IMMP2L: variants seen among roughly 807,000 people sequenced by gnomAD.
The protein encoded by IMMP2L is mitochondrial inner membrane protease subunit 2.
Under a neutral mutation model 19.3 loss-of-function variants are expected in IMMP2L, and 18 were observed. The ratio of observed to expected loss-of-function variants is 0.93; its 90% CI spans 0.64 to 1.38. The LOEUF (loss-of-function observed/expected upper bound fraction) is 1.38. IMMP2L is among the 40% of genes most tolerant of loss of function. The probability of loss-of-function intolerance (pLI) is 0.00; values close to 1 mark genes in which losing one functional copy is unlikely to be tolerated. For missense variants in IMMP2L, 233 were observed against 218.2 expected (o/e 1.07, Z -0.43); for synonymous variants, 76 against 73.0 (o/e 1.04, Z -0.21).
chr7:111,163,415 T>G (rs1417476685), intron 3 of IMMP2L, among the ~76,000 whole-genome samples: 1 of 152,108 alleles, frequency 6.6e-6, no homozygotes, highest in African/African-American at 2.4e-5. Context: ...CTGCAACTAT[T>G]TATTACCGAA....
At chr7:110,772,450 C>T (rs1340652597) in intron 5 of IMMP2L, among the ~76,000 whole-genome samples, 1 of 152,132 alleles carries the variant, frequency 6.6e-6, no homozygotes. Flanking sequence ...AAGAACAGCA[C>T]TATCCTGCCC....
intron 5 of IMMP2L, among the ~76,000 whole-genome samples, chr7:110,756,795 A>T (rs754138219): frequency 3.2e-4 from 49 of 152,208 alleles, no homozygotes; most frequent in Non-Finnish European, 5.3e-4. Context: ...TTTAAAAATT[A>T]TCCTTTCCAA....
chr7:111,435,245 TGCACTAGTCACAATA>T (rs1837038472), intron 3 of IMMP2L, among the ~76,000 whole-genome samples: 1 of 151,852 alleles, frequency 6.6e-6, no homozygotes, highest in South Asian at 2.1e-4. Context: ...TCTTTATCAC[TGCACTAGTCACAATA>T]GCAAAGGTAT....
intron 4 of IMMP2L, among the ~76,000 whole-genome samples, chr7:110,923,187 A>T (rs1814490168): frequency 1.3e-5 from 2 of 152,206 alleles, no homozygotes; most frequent in African/African-American, 2.4e-5. Flanking sequence ...ATCAGCTTTC[A>T]GTGATGAAGA....
intron 2 of IMMP2L, among the ~76,000 whole-genome samples, chr7:111,512,105 G>A (rs1181193545): frequency 1.3e-5 from 2 of 152,150 alleles, no homozygotes; most frequent in Admixed American, 1.3e-4. Context: ...CATTACTCAC[G>A]ATAATGAAAA....
intron 3 of IMMP2L, among the ~76,000 whole-genome samples, chr7:111,319,042 C>T (rs1438941785): frequency 1.3e-5 from 2 of 152,126 alleles, no homozygotes; most frequent in African/African-American, 2.4e-5. Context: ...GTCCTACCAT[C>T]CTGGTAATCA....
At chr7:111,300,445 A>G (rs1479980259) in intron 3 of IMMP2L, among the ~76,000 whole-genome samples, 2 of 152,136 alleles carry the variant, frequency 1.3e-5, no homozygotes, top group Non-Finnish European at 2.9e-5. Flanking sequence ...GAAATAATAC[A>G]TAGAGATCCC....
chr7:111,332,143 G>T (rs1244642173), intron 3 of IMMP2L, among the ~76,000 whole-genome samples: 1 of 151,554 alleles, frequency 6.6e-6, no homozygotes, highest in Admixed American at 6.6e-5. Flanking sequence ...GATGTTAAAA[G>T]GTCATAATGT....
rs531733674 is a variant in IMMP2L, at chr7:110,785,602, T to C, written c.408+100991A>G. ...CATCTAGGAAGAGGTGAAGCAAAGA[T>C]AGAATCAGTCTTTCCATCCTCTACT... On this transcript the variant is annotated intron_variant, in intron 5 of 5. Transcript: ENST00000405709. Among the ~76,000 whole-genome samples the C allele has an allele frequency of 5.9e-5, 9 of 152,062 alleles. No individual in the cohort carries two copies. The South Asian group carries it at 6.2e-4, about 11-fold the overall frequency.
At chr7:110,961,849 T>C (rs1467973821) in intron 4 of IMMP2L, among the ~76,000 whole-genome samples, 1 of 151,804 alleles carries the variant, frequency 6.6e-6, no homozygotes, top group East Asian at 1.9e-4. Context: ...TAAATAAAAT[T>C]TCTGGAGAAG....
chr7:111,376,085 A>G (rs1830656117), intron 3 of IMMP2L, among the ~76,000 whole-genome samples: 1 of 152,110 alleles, frequency 6.6e-6, no homozygotes, highest in Non-Finnish European at 1.5e-5. Context: ...ACCTTCTCTC[A>G]GTCCCAATTT....
At chr7:110,904,491 A>G (rs1248938028) in intron 4 of IMMP2L, among the ~76,000 whole-genome samples, 1 of 152,172 alleles carries the variant, frequency 6.6e-6, no homozygotes, top group East Asian at 1.9e-4. Flanking sequence ...TCCCAACACC[A>G]TTTGTTGAAG....
At chr7:111,305,620 A>C (rs1822784035) in intron 3 of IMMP2L, among the ~76,000 whole-genome samples, 1 of 152,162 alleles carries the variant, frequency 6.6e-6, no homozygotes, top group Admixed American at 6.6e-5. Flanking sequence ...GACTAATGGC[A>C]AATTAATAAA....
intron 1 of IMMP2L, among the ~76,000 whole-genome samples, chr7:111,549,465 T>G (rs1003775685): frequency 6.6e-6 from 1 of 152,212 alleles, no homozygotes; most frequent in Non-Finnish European, 1.5e-5. Flanking sequence ...TATCACCACT[T>G]TAACATCTGG....
At chr7:111,090,096 C>A (rs1414546796) in intron 3 of IMMP2L, among the ~76,000 whole-genome samples, 1 of 152,048 alleles carries the variant, frequency 6.6e-6, no homozygotes, top group African/African-American at 2.4e-5. Flanking sequence ...CCATTCTCCT[C>A]AACAAGATGT....
intron 3 of IMMP2L, among the ~76,000 whole-genome samples, chr7:111,016,892 ATATATATTATATATAAT>A (rs1453572960): frequency 1.1e-5 from 1 of 89,246 alleles, no homozygotes; most frequent in Non-Finnish European, 2.0e-5. Context: ...ATTATATATA[ATATATATTATATATAAT>A]TATATATATA....
intron 3 of IMMP2L, among the ~76,000 whole-genome samples, chr7:111,271,500 C>G (rs916803326): frequency 3.3e-5 from 5 of 152,174 alleles, no homozygotes; most frequent in African/African-American, 1.2e-4. Context: ...CAGTGTACAT[C>G]AGAACCACAG....
chr7:111,258,289 G>A (rs531810232), intron 3 of IMMP2L, among the ~76,000 whole-genome samples: 25 of 152,060 alleles, frequency 1.6e-4, no homozygotes, highest in African/African-American at 5.8e-4. Flanking sequence ...GGTGATCACA[G>A]AGTACAATGT....
chr7:111,538,296 G>T (rs1428974030), intron 1 of IMMP2L, among the ~76,000 whole-genome samples: 1 of 151,986 alleles, frequency 6.6e-6, no homozygotes, highest in Non-Finnish European at 1.5e-5. Context: ...TGTGATATAA[G>T]TTCTGGAGGC....
Sources: gnomAD v4.1 joint callset for allele counts (sites outside exome capture counted in the v4.1 genomes callset) on GRCh38, gnomAD v4.1.1 for gene constraint, MANE v1.5 for transcripts, NCBI Gene and HGNC (gene_info 2026-07-23, HGNC 2026-07-21) for gene names.